The following ZNF420 variants were observed in gnomAD, a reference collection of about 807,000 sequenced individuals.
ZNF420 encodes zinc finger protein 420, also known as ATM and p53-associated KZNF protein.
In ZNF420, 31 loss-of-function variants were observed where a neutral mutation model predicts 44.7. The ratio of observed to expected loss-of-function variants is 0.69; its 90% CI spans 0.52 to 0.94. The LOEUF (loss-of-function observed/expected upper bound fraction) is 0.94. Ranked by LOEUF, ZNF420 falls within the 40% of genes least tolerant of loss-of-function variation. The probability of loss-of-function intolerance (pLI) is 0.00; values close to 1 mark genes in which losing one functional copy is unlikely to be tolerated. For synonymous variants in ZNF420, 245 were observed against 267.4 expected (o/e 0.92, Z 0.82); for missense variants, 681 against 827.9 (o/e 0.82, Z 2.18).
intron 1 of ZNF420, among the ~76,000 whole-genome samples, chr19:37,032,602 C>T (rs571308266): frequency 4.0e-5 from 6 of 151,356 alleles, no homozygotes; most frequent in Admixed American, 3.3e-4. Flanking sequence ...GTCAGGAGTT[C>T]GAGACAAGCC....
At chr19:37,063,261 T>C (rs969431969) in intron 1 of ZNF420, among the ~76,000 whole-genome samples, 1 of 152,166 alleles carries the variant, frequency 6.6e-6, no homozygotes, top group Admixed American at 6.5e-5. Flanking sequence ...AACTCAATTG[T>C]ATGTGAGAAA....
At chr19:37,104,767 T>C (rs192553985) in intron 4 of ZNF420, among the ~76,000 whole-genome samples, 9 of 152,216 alleles carry the variant, frequency 5.9e-5, no homozygotes, top group Admixed American at 2.0e-4. Flanking sequence ...ATGTGTCTGT[T>C]GGCTGCATAT....
intron 2 of ZNF420, among the ~76,000 whole-genome samples, chr19:37,086,821 CT>C (rs1968814646): frequency 6.6e-6 from 1 of 152,166 alleles, no homozygotes; most frequent in Non-Finnish European, 1.5e-5. Context: ...TCCCATTTTA[CT>C]TTTAGCCCAT....
Position 37,094,747 on chromosome 19 carries a change from A to G in ZNF420, c.136+3626A>G, listed in dbSNP as rs543678557. ...AAATTGACATCTCTATGTCAAATAT[A>G]TATTTTATTGTCACAGAATTCTTAT... On this transcript the variant is annotated intron_variant, in intron 4 of 4. Coordinates refer to ENST00000337995, the MANE Select transcript of ZNF420 (RefSeq NM_144689.5). Among the ~76,000 whole-genome samples, 8 of 152,240 alleles carry G rather than the reference A, an allele frequency of 5.3e-5. No homozygotes were observed. The East Asian group carries it at 1.3e-3, about 26-fold the overall frequency.
In ZNF420 at chr19:37,128,367, G is replaced by A; in HGVS notation, c.1376G>A (p.Gly459Asp). 6.2e-7 allele frequency: 1 copy of A among 1,613,972 alleles called. No individual in the cohort carries two copies. Among genetic ancestry groups the A allele is most frequent in the Non-Finnish European group, 8.5e-7 (1 of 1,179,960 alleles). Residue 459 changes from glycine to aspartate, a missense_variant, in exon 5 of 5, where the codon GGC becomes GAC. By Grantham distance (94) the Gly-to-Asp change is moderately conservative (BLOSUM62 -1). Coordinates refer to ENST00000337995, the MANE Select transcript of ZNF420 (RefSeq NM_144689.5). ...CKECGKTFSR[G>D]SELTQHERIH... ...GAATGTGGAAAAACCTTTAGTCGTG[G>A]CTCAGAACTTACTCAACATGAGCGA...
At chr19:37,057,521 T>C (rs1305987717) in intron 1 of ZNF420, among the ~76,000 whole-genome samples, 1 of 152,144 alleles carries the variant, frequency 6.6e-6, no homozygotes, top group Admixed American at 6.5e-5. Flanking sequence ...TGTGTGTGTG[T>C]GCCAGTGTGG....
intron 4 of ZNF420, among the ~76,000 whole-genome samples, chr19:37,122,650 G>A (rs2145313508): frequency 6.6e-6 from 1 of 152,060 alleles, no homozygotes; most frequent in African/African-American, 2.4e-5. Flanking sequence ...CATGGCTTCT[G>A]GGGTTCCGTG....
chr19:37,062,111 T>C (rs1045932145), intron 1 of ZNF420, among the ~76,000 whole-genome samples: 2 of 152,226 alleles, frequency 1.3e-5, no homozygotes, highest in African/African-American at 2.4e-5. Flanking sequence ...GCTTTTAACC[T>C]CTACACTGTT....
chr19:37,097,436 C>T (rs1237668019), intron 4 of ZNF420, among the ~76,000 whole-genome samples: 1 of 151,724 alleles, frequency 6.6e-6, no homozygotes, highest in Non-Finnish European at 1.5e-5. Context: ...TCTGTTTGTA[C>T]CTTTAAAAAA....
chr19:37,010,053 A>C (rs1424184235), intron 1 of ZNF420, among the ~76,000 whole-genome samples: 1 of 152,196 alleles, frequency 6.6e-6, no homozygotes, highest in African/African-American at 2.4e-5. Flanking sequence ...GCAGAGCACG[A>C]GTCGGCCTAG....
At chr19:37,034,941 A>C (rs1005708922) in intron 1 of ZNF420, among the ~76,000 whole-genome samples, 1 of 152,242 alleles carries the variant, frequency 6.6e-6, no homozygotes, top group African/African-American at 2.4e-5. Context: ...CAAAAGGGAC[A>C]GTTTCACTTT....
At chr19:37,024,650 A>C (rs1024023229) in intron 1 of ZNF420, among the ~76,000 whole-genome samples, 2 of 152,036 alleles carry the variant, frequency 1.3e-5, no homozygotes, top group African/African-American at 4.8e-5. Flanking sequence ...GGGTTTCACT[A>C]TGTTGGCTAG....
At chr19:37,027,258 GATAA>G (rs1351685759) in intron 1 of ZNF420, among the ~76,000 whole-genome samples, 2 of 152,114 alleles carry the variant, frequency 1.3e-5, no homozygotes, top group Non-Finnish European at 2.9e-5. Flanking sequence ...TTCTCCAAAA[GATAA>G]ATAAATAATT....
chr19:37,057,482 C>T lies in ZNF420; in HGVS notation c.-124-22863C>T, dbSNP rs1967780529. 3.7e-5 allele frequency among the ~76,000 whole-genome samples: 4 copies of T among 106,960 alleles called. 1 individual carries two copies. In the South Asian group the frequency reaches 1.1e-3, roughly 29 times the overall value. 70.2% of individuals were successfully genotyped at this position (106,960 alleles called of 152,430 possible). On this transcript the variant is annotated intron_variant, in intron 1 of 4. Coordinates refer to the ZNF420 transcript ENST00000587029. ...CTCTTATCTCTCTGTCTCTCACTCT[C>T]TGTCTGTTTCTCTCTCTCTCTTTCT...
intron 1 of ZNF420, among the ~76,000 whole-genome samples, chr19:37,063,569 C>T (rs369074595): frequency 1.1e-3 from 171 of 151,588 alleles, no homozygotes; most frequent in African/African-American, 4.0e-3. Flanking sequence ...TACCCCCACC[C>T]GACGAAATGC....
chr19:37,115,823 C>T (rs1970649066), intron 4 of ZNF420, among the ~76,000 whole-genome samples: 1 of 152,040 alleles, frequency 6.6e-6, no homozygotes, highest in Non-Finnish European at 1.5e-5. Flanking sequence ...GGAGAGAAAC[C>T]TTGGACAATA....
intron 4 of ZNF420, among the ~76,000 whole-genome samples, chr19:37,112,509 G>T (rs1381446648): frequency 6.6e-6 from 1 of 152,058 alleles, no homozygotes; most frequent in Non-Finnish European, 1.5e-5. Flanking sequence ...CAATTTTTTG[G>T]CCACCGATTG....
intron 1 of ZNF420, among the ~76,000 whole-genome samples, chr19:37,040,995 A>G (rs1967441831): frequency 6.6e-6 from 1 of 151,486 alleles, no homozygotes; most frequent in South Asian, 2.1e-4. Flanking sequence ...AATTATAGGC[A>G]CTCCTTCCAA....
intron 2 of ZNF420, among the ~76,000 whole-genome samples, chr19:37,087,196 G>A (rs1289220554): frequency 6.6e-6 from 1 of 151,218 alleles, no homozygotes; most frequent in East Asian, 2.0e-4. Flanking sequence ...GAGGAGGGAG[G>A]ATTACTTGAG....
Sources: gnomAD v4.1 joint callset for allele counts (sites outside exome capture counted in the v4.1 genomes callset) on GRCh38, gnomAD v4.1.1 for gene constraint, MANE v1.5 for transcripts, NCBI Gene and HGNC (gene_info 2026-07-23, HGNC 2026-07-21) for gene names.